EPHA5: variants seen among roughly 807,000 people sequenced by gnomAD.
EPHA5 encodes the protein ephrin type-A receptor 5.
EPHA5 carries 60 observed loss-of-function variants against 105.0 expected under a neutral mutation model. The ratio of observed to expected loss-of-function variants is 0.57; its 90% CI spans 0.46 to 0.71. The LOEUF (loss-of-function observed/expected upper bound fraction) is 0.71. EPHA5 is among the 30% of genes least tolerant of loss of function. EPHA5 has a pLI of 0.00. For synonymous variants in EPHA5, 513 were observed against 449.1 expected (o/e 1.14, Z -1.80); for missense variants, 1,218 against 1,274.7 (o/e 0.96, Z 0.68).
intron 3 of EPHA5, among the ~76,000 whole-genome samples, chr4:65,587,116 G>A (rs558968153): frequency 6.6e-6 from 1 of 152,038 alleles, no homozygotes; most frequent in African/African-American, 2.4e-5. Context: ...ACTTCAAACT[G>A]AAAGTCTCCT....
chr4:65,403,292 G>A (rs969597463), intron 8 of EPHA5, among the ~76,000 whole-genome samples: 2 of 152,118 alleles, frequency 1.3e-5, no homozygotes, highest in African/African-American at 4.8e-5. Flanking sequence ...GTATATTTAT[G>A]AGTCGAATAG....
chr4:65,503,488 A>G (rs2149245359), intron 3 of EPHA5, among the ~76,000 whole-genome samples: 1 of 151,972 alleles, frequency 6.6e-6, no homozygotes, highest in East Asian at 1.9e-4. Context: ...GAAAACAATA[A>G]GGCTAATTGT....
intron 12 of EPHA5, among the ~76,000 whole-genome samples, chr4:65,352,636 T>A (rs1722923883): frequency 6.6e-6 from 1 of 151,958 alleles, no homozygotes; most frequent in Admixed American, 6.6e-5. Context: ...TATTAATGAC[T>A]TGCCTGGGCT....
chr4:65,597,516 G>A (rs1438973252), intron 3 of EPHA5, among the ~76,000 whole-genome samples: 1 of 150,948 alleles, frequency 6.6e-6, no homozygotes, highest in Non-Finnish European at 1.5e-5. Flanking sequence ...AATTTCATCA[G>A]AAATAATAAT....
chr4:65,613,542 G>A (rs1000429811), intron 2 of EPHA5, among the ~76,000 whole-genome samples: 2 of 151,780 alleles, frequency 1.3e-5, no homozygotes, highest in African/African-American at 4.8e-5. Context: ...TGTCATCTAT[G>A]GTTTATTTCA....
chr4:65,358,748 T>C (rs2148873612), intron 11 of EPHA5, among the ~76,000 whole-genome samples: 1 of 151,664 alleles, frequency 6.6e-6, no homozygotes, highest in Middle Eastern at 3.4e-3. Flanking sequence ...ATTATATAAT[T>C]TCAGATTGGG....
At chr4:65,443,902 T>A (rs1324482501) in intron 5 of EPHA5, among the ~76,000 whole-genome samples, 1 of 109,768 alleles carries the variant, frequency 9.1e-6, no homozygotes, top group Non-Finnish European at 2.0e-5. Flanking sequence ...GATGTTTGTG[T>A]GCCTGTGTGT....
intron 9 of EPHA5, among the ~76,000 whole-genome samples, chr4:65,366,337 C>T (rs968250599): frequency 6.6e-6 from 1 of 151,780 alleles, no homozygotes; most frequent in African/African-American, 2.4e-5. Context: ...CAAATTAAGA[C>T]AATGTTATTC....
intron 3 of EPHA5, among the ~76,000 whole-genome samples, chr4:65,582,570 C>A (rs1303002205): frequency 6.6e-6 from 1 of 151,202 alleles, no homozygotes; most frequent in South Asian, 2.1e-4. Context: ...GAAGTGCTTT[C>A]TTGAAGTTGA....
chr4:65,600,054 T>G (rs1743565436), intron 3 of EPHA5, among the ~76,000 whole-genome samples: 1 of 152,024 alleles, frequency 6.6e-6, no homozygotes, highest in Admixed American at 6.6e-5. Flanking sequence ...CCAAATAGAG[T>G]ACGTTGTTTT....
At chr4:65,648,302 T>C (rs951260001) in intron 1 of EPHA5, among the ~76,000 whole-genome samples, 2 of 152,212 alleles carry the variant, frequency 1.3e-5, no homozygotes, top group African/African-American at 4.8e-5. Flanking sequence ...CTCCACTACT[T>C]TATCCTTAAC....
At position 65,582,049 on chromosome 4, in the gene EPHA5, A is replaced by T. The variant is rs1741674868; in HGVS notation, c.910+19592T>A. Among the ~76,000 whole-genome samples, 6 of 151,660 alleles carry T rather than the reference A, an allele frequency of 4.0e-5. No individual in the cohort carries two copies. In the South Asian group the frequency reaches 1.2e-3, roughly 31 times the overall value. On this transcript the variant is annotated intron_variant, in intron 3 of 16. Coordinates refer to ENST00000613740, the MANE Select transcript of EPHA5 (RefSeq NM_001281766.3). ...GCTGTAGACACTATGAAGCATATAGAAATGGTCCTCCTCCTCAATCCCTCA... is the reference window on the plus strand; with the variant it reads ...GCTGTAGACACTATGAAGCATATAGTAATGGTCCTCCTCCTCAATCCCTCA...
At chr4:65,362,549 T>A (rs1033133823) in intron 11 of EPHA5, among the ~76,000 whole-genome samples, 2 of 151,732 alleles carry the variant, frequency 1.3e-5, no homozygotes, top group Admixed American at 6.6e-5. Flanking sequence ...TGTAGCCTCA[T>A]GCTGAACAGC....
At chr4:65,667,889 C>A (rs540679780) in intron 1 of EPHA5, among the ~76,000 whole-genome samples, 1 of 152,052 alleles carries the variant, frequency 6.6e-6, no homozygotes, top group Non-Finnish European at 1.5e-5. Context: ...ATGCCCCTTT[C>A]GGTGGAATAA....
intron 4 of EPHA5, among the ~76,000 whole-genome samples, chr4:65,494,601 C>T (rs760414340): frequency 3.3e-5 from 5 of 152,046 alleles, no homozygotes; most frequent in Non-Finnish European, 5.9e-5. Flanking sequence ...ACCAAATATA[C>T]GGAAAACTAA....
At chr4:65,385,912 A>T (rs551429884) in intron 8 of EPHA5, among the ~76,000 whole-genome samples, 1 of 152,030 alleles carries the variant, frequency 6.6e-6, no homozygotes, top group African/African-American at 2.4e-5. Context: ...TTCATAGCCC[A>T]GAGCCAACAT....
At chr4:65,383,695 G>A (rs1719807590) in intron 8 of EPHA5, among the ~76,000 whole-genome samples, 1 of 151,876 alleles carries the variant, frequency 6.6e-6, no homozygotes, top group East Asian at 2.0e-4. Context: ...GTCTGAAGGA[G>A]TAATGGTATC....
At chr4:65,594,888 T>C (rs1743016890) in intron 3 of EPHA5, among the ~76,000 whole-genome samples, 1 of 152,202 alleles carries the variant, frequency 6.6e-6, no homozygotes, top group Admixed American at 6.5e-5. Flanking sequence ...ATTAGGAGTT[T>C]TCTGTCTTTA....
chr4:65,607,866 T>A (rs1194103653), intron 2 of EPHA5, among the ~76,000 whole-genome samples: 1 of 152,186 alleles, frequency 6.6e-6, no homozygotes, highest in Non-Finnish European at 1.5e-5. Context: ...CATTCTATTA[T>A]AAAGACACAT....
Sources: gnomAD v4.1 joint callset for allele counts (sites outside exome capture counted in the v4.1 genomes callset) on GRCh38, gnomAD v4.1.1 for gene constraint, MANE v1.5 for transcripts, NCBI Gene and HGNC (gene_info 2026-07-23, HGNC 2026-07-21) for gene names.